The following IL13RA1 variants were observed in gnomAD, a reference collection of about 807,000 sequenced individuals.
IL13RA1 encodes interleukin 13 receptor subunit alpha 1, also known as interleukin-13 receptor subunit alpha-1.
Under a neutral mutation model 33.8 loss-of-function variants are expected in IL13RA1, and 14 were observed. The observed-to-expected ratio is 0.41, with a 90% confidence interval of 0.27 to 0.65. The LOEUF (loss-of-function observed/expected upper bound fraction) is 0.65. Ranked by LOEUF, IL13RA1 falls within the 30% of genes least tolerant of loss-of-function variation. The pLI, the probability that IL13RA1 is intolerant of heterozygous loss-of-function variation, is 0.28. For missense variants in IL13RA1, 313 were observed against 327.0 expected (o/e 0.96, Z 0.33); for synonymous variants, 116 against 115.7 (o/e 1.00, Z -0.02).
chrX:118,801,947 A>AT, the IL13RA1 span, among the ~76,000 whole-genome samples: 17 of 111,969 alleles, frequency 1.5e-4, no homozygotes, highest in East Asian at 2.5e-3. Flanking sequence ...ACTTAAAAGT[A>AT]TTTTTTTTCT....
intron 1 of IL13RA1, 101 bp downstream of exon 1, chrX:118,727,827 A>AGCTG: frequency 3.0e-6 from 1 of 330,774 alleles, no homozygotes; most frequent in Non-Finnish European, 4.6e-6. Context: ...GGAGGGCCGA[A>AGCTG]GCTGGGGTGG....
chrX:118,742,811 T>A (rs2017359487), intron 2 of IL13RA1, among the ~76,000 whole-genome samples: 2 of 110,942 alleles, frequency 1.8e-5, no homozygotes, highest in Non-Finnish European at 3.8e-5. Flanking sequence ...TTAAAGGAGA[T>A]GAGGTTTGTA....
At chrX:118,743,885 C>T (rs2017374013) in intron 2 of IL13RA1, among the ~76,000 whole-genome samples, 1 of 112,093 alleles carries the variant, frequency 8.9e-6, no homozygotes. Flanking sequence ...GTGACTCATG[C>T]CTGTAATCCC....
At chrX:118,757,592 A>G (rs1212149064) in intron 4 of IL13RA1, among the ~76,000 whole-genome samples, 3 of 105,331 alleles carry the variant, frequency 2.8e-5, no homozygotes, top group African/African-American at 1.0e-4. Flanking sequence ...GTCACATTGT[A>G]CAATAGGGTT....
At chrX:118,770,511 C>T (rs192753411) in intron 8 of IL13RA1, 159 of 531,686 alleles carry the variant, frequency 3.0e-4, no homozygotes, top group African/African-American at 1.9e-3. Flanking sequence ...CCAACAACAA[C>T]GGCTTCATCA....
chrX:118,791,776 C>A lies in IL13RA1; in HGVS notation c.1206C>A (p.Tyr402Ter). 9.9e-7 allele frequency: 1 copy of A among 1,012,894 alleles called. No individual in the cohort carries two copies. Among genetic ancestry groups the A allele is most frequent in the Non-Finnish European group, 1.4e-6 (1 of 718,391 alleles). The allele number at this position is 1,012,894 out of a possible 1,213,427, so 83.5% of individuals were successfully genotyped here. A position where few individuals can be genotyped will look rare whatever the true frequency, so the allele number is the denominator to read the frequency against. ...QNDDTLHWKKYDIYEKQTKEE... is the reference protein window; with the variant it reads ...QNDDTLHWKK ...CTCCCTTCTAGCACTGGAAGAAGTA[C>A]GACATCTATGAGAAGCAAACCAAGG... The change falls in exon 11 of 11, where the codon TAC becomes TAA. Residue 402 changes from tyrosine (Y) to a stop codon, truncating the protein, a stop_gained. Coordinates refer to ENST00000371666, the MANE Select transcript of IL13RA1 (RefSeq NM_001560.3). LOFTEE classifies it high-confidence loss of function.
intron 10 of IL13RA1, among the ~76,000 whole-genome samples, chrX:118,790,628 G>A (rs369288639): frequency 6.6e-4 from 74 of 111,505 alleles, no homozygotes; most frequent in South Asian, 1.1e-3. Context: ...GTTTCTCTGC[G>A]TTCTTATGAG....
downstream of IL13RA1, among the ~76,000 whole-genome samples, chrX:118,796,135 G>T (rs1226006501): frequency 1.8e-5 from 2 of 112,400 alleles, no homozygotes; most frequent in Non-Finnish European, 3.8e-5. Context: ...CTGGTTTTCA[G>T]CATTTATTGG....
chrX:118,732,711 A>G (rs1051207059), intron 1 of IL13RA1, among the ~76,000 whole-genome samples: 6 of 111,417 alleles, frequency 5.4e-5, no homozygotes. Context: ...AGTTTCATCC[A>G]TGTCCCTACA....
intron 5 of IL13RA1, among the ~76,000 whole-genome samples, chrX:118,759,546 T>C (rs1421108089): frequency 9.0e-6 from 1 of 111,219 alleles, no homozygotes; most frequent in Non-Finnish European, 1.9e-5. Flanking sequence ...AGCAGAGCCC[T>C]TCTCTTTGTT....
At chrX:118,771,880 G>A in intron 8 of IL13RA1, among the ~76,000 whole-genome samples, 1 of 111,385 alleles carries the variant, frequency 9.0e-6, no homozygotes, top group South Asian at 3.8e-4. Flanking sequence ...GGCTGAGGCA[G>A]GAGAATCGCT....
chrX:118,767,050 G>T, intron 8 of IL13RA1, 74 bp downstream of exon 8: 1 of 538,219 alleles, frequency 1.9e-6, no homozygotes, highest in Non-Finnish European at 3.0e-6. Flanking sequence ...AAAATAGACT[G>T]GGGAAAGGGA....
chrX:118,749,586 T>A, intron 3 of IL13RA1, 72 bp from the exon 4 acceptor site: 2 of 1,023,780 alleles, frequency 2.0e-6, no homozygotes, highest in Admixed American at 2.2e-5. Flanking sequence ...ATCATCCCCA[T>A]GCCAAAGAGT....
At chrX:118,750,389 T>TAA (rs764466256) in intron 4 of IL13RA1, among the ~76,000 whole-genome samples, 1 of 103,537 alleles carries the variant, frequency 9.7e-6, no homozygotes, top group Non-Finnish European at 2.0e-5. Context: ...AAGACTGGCT[T>TAA]AAAAAAAAAA....
chrX:118,755,585 C>T (rs948453042), intron 4 of IL13RA1, among the ~76,000 whole-genome samples: 13 of 111,593 alleles, frequency 1.2e-4, no homozygotes, highest in Admixed American at 6.7e-4. Context: ...ATTTTCCCTT[C>T]TATAATTATT....
intron 8 of IL13RA1, among the ~76,000 whole-genome samples, chrX:118,771,091 C>A (rs989667288): frequency 9.0e-6 from 1 of 111,729 alleles, no homozygotes; most frequent in Non-Finnish European, 1.9e-5. Flanking sequence ...AAACTCTCCC[C>A]ACCTCCTTCA....
chrX:118,803,853 TTTTC>T, the IL13RA1 span, among the ~76,000 whole-genome samples: 1 of 95,641 alleles, frequency 1.0e-5, no homozygotes, highest in Non-Finnish European at 2.1e-5. Flanking sequence ...TTGTTTTCTC[TTTTC>T]CTTCCTTCCT....
intron 2 of IL13RA1, among the ~76,000 whole-genome samples, chrX:118,743,491 C>T (rs2017368829): frequency 9.0e-6 from 1 of 111,222 alleles, no homozygotes; most frequent in African/African-American, 3.3e-5. Flanking sequence ...TCTAATAGTT[C>T]CTCAGCTGGC....
At chrX:118,746,026 G>A (rs920756119) in intron 2 of IL13RA1, among the ~76,000 whole-genome samples, 2 of 111,895 alleles carry the variant, frequency 1.8e-5, no homozygotes, top group African/African-American at 6.5e-5. Flanking sequence ...TATATATGAG[G>A]TAGTCAAAAT....
Sources: gnomAD v4.1 joint callset for allele counts (sites outside exome capture counted in the v4.1 genomes callset) on GRCh38, gnomAD v4.1.1 for gene constraint, MANE v1.5 for transcripts, NCBI Gene and HGNC (gene_info 2026-07-23, HGNC 2026-07-21) for gene names.